The following UBE2G1 variants were observed in gnomAD, a reference collection of about 807,000 sequenced individuals.
UBE2G1 encodes the protein ubiquitin-conjugating enzyme E2 G1.
A neutral mutation model predicts 22.7 loss-of-function variants in UBE2G1; 5 were observed. The ratio of observed to expected loss-of-function variants is 0.22; its 90% CI spans 0.12 to 0.46. The LOEUF (loss-of-function observed/expected upper bound fraction) is 0.46. Among genes scored for constraint, UBE2G1 ranks in the 20% least tolerant of loss-of-function variants. UBE2G1 has a pLI of 0.99. For synonymous variants in UBE2G1, 74 were observed against 67.5 expected (o/e 1.10, Z -0.47); for missense variants, 88 against 203.9 (o/e 0.43, Z 3.46).
intron 1 of UBE2G1, among the ~76,000 whole-genome samples, chr17:4,333,772 T>C (rs1183575535): frequency 1.3e-5 from 2 of 151,990 alleles, no homozygotes; most frequent in African/African-American, 2.4e-5. Flanking sequence ...TGAGCCGAGA[T>C]TGCACCACTG....
chr17:4,270,648 A>G lies in UBE2G1; in HGVS notation c.*1906T>C, dbSNP rs1465795156. ...GCAACTATTTTTACAGTCTTTGGAA[A>G]AGGAAAAAAAAAACCAAGTCACAAA... On this transcript the variant is annotated 3_prime_UTR_variant, in exon 6 of 6. Coordinates refer to ENST00000396981, the MANE Select transcript of UBE2G1 (RefSeq NM_003342.5). The G allele has an allele frequency of 1.0e-5, 1 of 95,310 alleles. No individual in the cohort carries two copies. Among genetic ancestry groups the G allele is most frequent in the Non-Finnish European group, 2.8e-5 (1 of 36,278 alleles). The allele number at this position is 95,310 out of a possible 1,614,324, so 5.9% of individuals were successfully genotyped here.
At chr17:4,282,518 G>GA (rs1968906801) in intron 5 of UBE2G1, among the ~76,000 whole-genome samples, 1 of 152,130 alleles carries the variant, frequency 6.6e-6, no homozygotes, top group South Asian at 2.1e-4. Context: ...AAACTAAACT[G>GA]AAATAACAAC....
chr17:4,330,475 T>C (rs1969560177), intron 1 of UBE2G1, among the ~76,000 whole-genome samples: 3 of 152,108 alleles, frequency 2.0e-5, no homozygotes, highest in African/African-American at 7.2e-5. Context: ...CGGTGGCTCA[T>C]GCCTGTAATC....
Position 4,346,262 on chromosome 17 carries a change from C to T in UBE2G1, c.46+20009G>A, listed in dbSNP as rs146551123. ...CTCAGACTAAAAGCCTAAATCCTTACCTGTAAAAACCACACAGACTCCCCT... is the reference window on the plus strand; with the variant it reads ...CTCAGACTAAAAGCCTAAATCCTTATCTGTAAAAACCACACAGACTCCCCT... On this transcript the variant is annotated intron_variant, in intron 1 of 5. Transcript: ENST00000396981. Among the ~76,000 whole-genome samples, 67 of 152,108 alleles carry T rather than the reference C, an allele frequency of 4.4e-4. 1 individual carries two copies. Among genetic ancestry groups the T allele is most frequent in the African/African-American group, 1.3e-3 (55 of 41,502 alleles).
chr17:4,349,735 C>T (rs1240703571), intron 1 of UBE2G1, among the ~76,000 whole-genome samples: 2 of 151,392 alleles, frequency 1.3e-5, no homozygotes, highest in Non-Finnish European at 2.9e-5. Flanking sequence ...CCCAGCTACT[C>T]GGGAGGCTGA....
At position 4,285,950 on chromosome 17, in the gene UBE2G1, TA is replaced by T. The variant is rs530717927; in HGVS notation, c.427-3030del. ...TGGCGACAGAGCGAGACTACATCTT[TA>T]AAAAAAAAAAAAAATTGGAGCCAAA... On this transcript the variant is annotated intron_variant, in intron 4 of 5. Transcript: ENST00000396981. Among the ~76,000 whole-genome samples the T allele has an allele frequency of 6.4e-3, 830 of 130,280 alleles. 21 individuals carry two copies. In the East Asian group the frequency reaches 0.094, roughly 15 times the overall value. 85.5% of individuals were successfully genotyped at this position (130,280 alleles called of 152,430 possible).
intron 1 of UBE2G1, among the ~76,000 whole-genome samples, chr17:4,308,122 G>A (rs1418250073): frequency 2.6e-5 from 4 of 152,150 alleles, no homozygotes; most frequent in African/African-American, 9.7e-5. Flanking sequence ...GGGAGGCCGA[G>A]GCAGGTGGAC....
intron 1 of UBE2G1, among the ~76,000 whole-genome samples, chr17:4,309,687 T>C (rs1969285876): frequency 6.6e-6 from 1 of 152,220 alleles, no homozygotes; most frequent in Non-Finnish European, 1.5e-5. Context: ...AGAAACACCA[T>C]TACATTACTC....
intron 1 of UBE2G1, among the ~76,000 whole-genome samples, chr17:4,318,776 A>G (rs1969404713): frequency 6.6e-6 from 1 of 152,206 alleles, no homozygotes; most frequent in South Asian, 2.1e-4. Flanking sequence ...AGTGATTCTC[A>G]GGCTGCAGTG....
intron 5 of UBE2G1, among the ~76,000 whole-genome samples, chr17:4,276,966 C>G (rs1968828650): frequency 6.6e-6 from 1 of 152,214 alleles, no homozygotes; most frequent in Non-Finnish European, 1.5e-5. Flanking sequence ...CCACTAGTCA[C>G]TGAATGCAGG....
chr17:4,317,415 A>G (rs1969388297), intron 1 of UBE2G1, among the ~76,000 whole-genome samples: 1 of 152,190 alleles, frequency 6.6e-6, no homozygotes, highest in South Asian at 2.1e-4. Flanking sequence ...GTTACTCGGA[A>G]GGCTGAGGTG....
intron 1 of UBE2G1, among the ~76,000 whole-genome samples, chr17:4,307,503 G>A (rs1354306530): frequency 6.6e-6 from 1 of 152,120 alleles, no homozygotes; most frequent in Non-Finnish European, 1.5e-5. Flanking sequence ...CTGTCTTCAG[G>A]GTATACTTTC....
In UBE2G1 at chr17:4,270,008, C is replaced by T. The variant is rs1372338332; in HGVS notation, c.*2546G>A. The T allele has an allele frequency of 6.6e-6, 1 of 152,384 alleles. No homozygotes were observed. Among genetic ancestry groups the T allele is most frequent in the Admixed American group, 6.6e-5 (1 of 15,246 alleles). 9.4% of individuals were successfully genotyped at this position (152,384 alleles called of 1,614,324 possible). A position where few individuals can be genotyped will look rare whatever the true frequency, so the allele number is the denominator to read the frequency against. On this transcript the variant is annotated 3_prime_UTR_variant, in exon 6 of 6. Coordinates refer to ENST00000396981, the MANE Select transcript of UBE2G1 (RefSeq NM_003342.5). Reference sequence around the variant, plus strand: ...CTGAGAAAGGCACAGATGACATCTCCGACAGAGGAAGGGAAGTTGTAACAT... The same window carrying T: ...CTGAGAAAGGCACAGATGACATCTCTGACAGAGGAAGGGAAGTTGTAACAT...
At chr17:4,344,853 T>A (rs1331020382) in intron 1 of UBE2G1, among the ~76,000 whole-genome samples, 1 of 152,048 alleles carries the variant, frequency 6.6e-6, no homozygotes, top group Non-Finnish European at 1.5e-5. Context: ...AGAGACTCTG[T>A]CCCTAAATAT....
chr17:4,337,653 CAAA>C (rs1232841786), intron 1 of UBE2G1, among the ~76,000 whole-genome samples: 1 of 89,046 alleles, frequency 1.1e-5, no homozygotes, highest in Non-Finnish European at 2.3e-5. Flanking sequence ...AACTCGGTCT[CAAA>C]AAAAAAAAAA....
chr17:4,309,026 A>C (rs1969278577), intron 1 of UBE2G1, among the ~76,000 whole-genome samples: 1 of 152,224 alleles, frequency 6.6e-6, no homozygotes, highest in Non-Finnish European at 1.5e-5. Flanking sequence ...TCAGGAAGCC[A>C]AGATGGGTGG....
At chr17:4,332,282 A>G (rs1969588534) in intron 1 of UBE2G1, among the ~76,000 whole-genome samples, 1 of 152,030 alleles carries the variant, frequency 6.6e-6, no homozygotes, top group African/African-American at 2.4e-5. Flanking sequence ...TAAGTCACAC[A>G]GTCATGAAAT....
At chr17:4,362,639 A>C (rs1392002017) in intron 1 of UBE2G1, among the ~76,000 whole-genome samples, 1 of 152,218 alleles carries the variant, frequency 6.6e-6, no homozygotes, top group Non-Finnish European at 1.5e-5. Flanking sequence ...TAAATCCTTA[A>C]GGATTGACAG....
intron 4 of UBE2G1, among the ~76,000 whole-genome samples, chr17:4,284,509 G>C (rs1257431378): frequency 2.0e-5 from 3 of 151,660 alleles, no homozygotes; most frequent in Non-Finnish European, 4.4e-5. Flanking sequence ...GCTGAGGTGA[G>C]AGAATCACTT....
Sources: gnomAD v4.1 joint callset for allele counts (sites outside exome capture counted in the v4.1 genomes callset) on GRCh38, gnomAD v4.1.1 for gene constraint, MANE v1.5 for transcripts, NCBI Gene and HGNC (gene_info 2026-07-23, HGNC 2026-07-21) for gene names.